The following LEMD1 variants were observed in gnomAD, a reference collection of about 807,000 sequenced individuals.
LEMD1 encodes the protein LEM domain containing 1.
In LEMD1, 18 loss-of-function variants were observed where a neutral mutation model predicts 17.4. The observed-to-expected ratio is 1.04, with a 90% CI of 0.72 to 1.54. The LOEUF is 1.54. LEMD1 is among the 40% of genes most tolerant of loss of function. The pLI is 0.00. For missense variants in LEMD1, 195 were observed against 210.4 expected, an observed-to-expected ratio of 0.93 and a Z score of 0.45; for synonymous variants, 88 against 77.8, an observed-to-expected ratio of 1.13 and a Z score of -0.69.
chr1:205,411,555 CAAAA>C (rs1224727332), intron 4 of LEMD1, among the ~76,000 whole-genome samples: 1 of 46,400 alleles, frequency 2.2e-5, no homozygotes, highest in Non-Finnish European at 4.1e-5. Context: ...GACTCCGTCT[CAAAA>C]AAAAAAAAAA....
At chr1:205,402,912 G>T (rs550648505) in intron 4 of LEMD1, among the ~76,000 whole-genome samples, 1 of 151,908 alleles carries the variant, frequency 6.6e-6, no homozygotes, top group Non-Finnish European at 1.5e-5. Flanking sequence ...TAGCATGAAG[G>T]GTTGTTGAAT....
chr1:205,431,251 T>C (rs934101439), intron 1 of LEMD1, among the ~76,000 whole-genome samples: 10 of 152,274 alleles, frequency 6.6e-5, no homozygotes, highest in Admixed American at 5.2e-4. Flanking sequence ...CTGTGCATAT[T>C]GACTGAATGT....
chr1:205,382,891 C>T (rs1303182895), intron 5 of LEMD1, among the ~76,000 whole-genome samples: 1 of 152,120 alleles, frequency 6.6e-6, no homozygotes. Context: ...TTGCAAGAGC[C>T]TTATGTTTCC....
chr1:205,409,736 G>A (rs1665295547), intron 4 of LEMD1, among the ~76,000 whole-genome samples: 1 of 151,304 alleles, frequency 6.6e-6, no homozygotes, highest in Non-Finnish European at 1.5e-5. Context: ...GAGTAGCTTG[G>A]GACCACAAGC....
At chr1:205,405,513 A>C (rs1045228208) in intron 4 of LEMD1, among the ~76,000 whole-genome samples, 2 of 142,382 alleles carry the variant, frequency 1.4e-5, no homozygotes, top group African/African-American at 5.4e-5. Context: ...AGGCTTCTGC[A>C]TTCTTCAAGT....
At chr1:205,406,411 C>G (rs573672886) in intron 4 of LEMD1, among the ~76,000 whole-genome samples, 1 of 152,244 alleles carries the variant, frequency 6.6e-6, no homozygotes, top group Non-Finnish European at 1.5e-5. Context: ...TGGGCAATGG[C>G]GGGCGCCCCT....
chr1:205,444,055 G>A (rs554389177), intron 1 of LEMD1, among the ~76,000 whole-genome samples: 25 of 152,184 alleles, frequency 1.6e-4, no homozygotes, highest in African/African-American at 5.8e-4. Flanking sequence ...GTCTATTTGA[G>A]GGGGAGGAGT....
chr1:205,439,528 A>G (rs1176180039), intron 1 of LEMD1, among the ~76,000 whole-genome samples: 3 of 152,216 alleles, frequency 2.0e-5, no homozygotes, highest in Non-Finnish European at 2.9e-5. Context: ...TGGGCGAACC[A>G]GCCGAGGAAG....
At chr1:205,401,622 A>G (rs1367597979) in intron 4 of LEMD1, among the ~76,000 whole-genome samples, 1 of 152,104 alleles carries the variant, frequency 6.6e-6, no homozygotes, top group African/African-American at 2.4e-5. Context: ...AGTAGGTTGC[A>G]AAAATTTTCT....
At position 205,420,477 on chromosome 1, in the gene LEMD1, T is replaced by C. The variant is rs140266284; in HGVS notation, c.60A>G (p.Gly20=). 1,112 of 1,613,906 alleles carry C rather than the reference T, an allele frequency of 6.9e-4. 5 individuals carry two copies. In the African/African-American group the frequency reaches 0.013, roughly 18 times the overall value. ...TACGTAGTATTGGGCCAGGTGAAAA[T>C]CCAAGCTTCTCAAGTTGGTTCTGCA... ...CKLQNQLEKL[G]FSPGPILPST... is the part of the protein sequence containing the mutation. The change falls in exon 2 of 6, where the codon GGA becomes GGG. Residue 20 remains glycine (G), a synonymous_variant. Transcript: ENST00000367153.
intron 3 of LEMD1, among the ~76,000 whole-genome samples, chr1:205,418,362 G>A (rs529322423): frequency 2.6e-5 from 4 of 152,334 alleles, no homozygotes; most frequent in East Asian, 1.9e-4. Context: ...GGAGAATGGT[G>A]TACCCAGAGC....
In LEMD1 at chr1:205,381,536, A is replaced by G. The variant is rs1663692090; in HGVS notation, c.*122T>C. ...AGACACCGATCTGTGAGAGCAGCAC[A>G]GTGCAAGGGAAGGCTCCCTGCAAGG... is the stretch of plus-strand genomic sequence containing the variant. On this transcript the variant is annotated 3_prime_UTR_variant, in exon 6 of 6. Coordinates refer to ENST00000367153, the MANE Select transcript of LEMD1 (RefSeq NM_001199050.2). 2.2e-6 allele frequency: 2 copies of G among 910,634 alleles called. No individual in the cohort carries two copies. Among genetic ancestry groups the G allele is most frequent in the Non-Finnish European group, 3.6e-6 (2 of 562,786 alleles). 56.4% of individuals were successfully genotyped at this position (910,634 alleles called of 1,614,324 possible).
rs567080704 is a variant in LEMD1, at chr1:205,382,126, C to G, written c.348-270G>C. Reference sequence around the variant, plus strand: ...AAGACATCCTCCCACGTCTGCCTCTCGAGTAGCTCGGACCACAGGTACATG... The same window carrying G: ...AAGACATCCTCCCACGTCTGCCTCTGGAGTAGCTCGGACCACAGGTACATG... On this transcript the variant is annotated intron_variant, in intron 5 of 5. Coordinates refer to ENST00000367153, the MANE Select transcript of LEMD1 (RefSeq NM_001199050.2). 9.2e-6 allele frequency: 4 copies of G among 432,722 alleles called. No homozygotes were observed. The East Asian group carries it at 1.8e-4, about 19-fold the overall frequency. The allele number at this position is 432,722 out of a possible 1,614,324, so 26.8% of individuals were successfully genotyped here. A position where few individuals can be genotyped will look rare whatever the true frequency, so the allele number is the denominator to read the frequency against.
intron 4 of LEMD1, among the ~76,000 whole-genome samples, chr1:205,396,752 G>A (rs1031283414): frequency 3.0e-4 from 45 of 152,130 alleles, no homozygotes; most frequent in African/African-American, 1.1e-3. Context: ...AAAGTTTGTG[G>A]ATGCTATAAA....
upstream of LEMD1, among the ~76,000 whole-genome samples, chr1:205,425,160 C>T (rs1241531934): frequency 1.3e-5 from 2 of 152,202 alleles, no homozygotes; most frequent in African/African-American, 4.8e-5. Flanking sequence ...AGCACTGACA[C>T]TTTAAAAATT....
intron 4 of LEMD1, among the ~76,000 whole-genome samples, chr1:205,408,019 G>C (rs1409848529): frequency 2.0e-5 from 3 of 152,184 alleles, no homozygotes; most frequent in Non-Finnish European, 4.4e-5. Flanking sequence ...AGGAATGACA[G>C]GGAAAGACTG....
chr1:205,384,506 CTTGT>C, intron 4 of LEMD1, 142 bp from the exon 5 acceptor site: 2 of 518,898 alleles, frequency 3.9e-6, no homozygotes, highest in Non-Finnish European at 6.8e-6. Context: ...AAAATACAAA[CTTGT>C]TTGTCTTTAT....
chr1:205,447,175 T>C (rs1053138383), intron 1 of LEMD1, among the ~76,000 whole-genome samples: 2 of 152,196 alleles, frequency 1.3e-5, no homozygotes, highest in Non-Finnish European at 2.9e-5. Flanking sequence ...TGGGTTCACG[T>C]CCCAGTTGTG....
chr1:205,411,878 A>G (rs888275481), intron 4 of LEMD1, among the ~76,000 whole-genome samples: 17 of 152,104 alleles, frequency 1.1e-4, no homozygotes, highest in African/African-American at 4.1e-4. Flanking sequence ...GGGTAAAGAA[A>G]CACCCAGGTG....
Sources: allele counts gnomAD v4.1 joint callset (sites outside exome capture counted in the v4.1 genomes callset), GRCh38; gene constraint gnomAD v4.1.1; transcripts MANE v1.5; gene names NCBI Gene and HGNC (gene_info 2026-07-23, HGNC 2026-07-21).